Variants in CACNA1C observed in about 807,000 individuals in gnomAD.
CACNA1C encodes voltage-dependent L-type calcium channel subunit alpha-1C.
CACNA1C carries 30 observed loss-of-function variants against 229.0 expected under a neutral mutation model. The observed-to-expected ratio is 0.13, with a 90% confidence interval of 0.10 to 0.18. The LOEUF (loss-of-function observed/expected upper bound fraction) is 0.18. Among genes scored for constraint, CACNA1C ranks in the 10% least tolerant of loss-of-function variants. The pLI is 1.00. For missense variants in CACNA1C, 1,658 were observed against 2,845.0 expected, an observed-to-expected ratio of 0.58 and a Z score of 9.49; for synonymous variants, 1,114 against 1,132.5, an observed-to-expected ratio of 0.98 and a Z score of 0.33.
At chr12:2,682,051 C>CT in intron 42 of CACNA1C, 1 of 1,551,766 alleles carries the variant, frequency 6.4e-7, no homozygotes, top group African/African-American at 1.4e-5. Flanking sequence ...GCAAACCCCT[C>CT]TAGGTGAGGC....
intron 3 of CACNA1C, among the ~76,000 whole-genome samples, chr12:2,373,482 G>A (rs572321974): frequency 4.1e-4 from 63 of 152,250 alleles, no homozygotes; most frequent in Non-Finnish European, 9.0e-4. Context: ...ACTGCCCTGA[G>A]GAGCCTGCCC....
chr12:2,504,607 A>G lies in CACNA1C; in HGVS notation c.1114-235A>G, dbSNP rs376601194. ...CAAGGTCTCAGGTTCCACTCCGTAC[A>G]TGCCCGGGGTCCTCAGGGATGGGAC... On this transcript the variant is annotated intron_variant, in intron 7 of 46. Coordinates refer to ENST00000399655, the MANE Select transcript of CACNA1C (RefSeq NM_000719.7). This position sits in a 1 kb window ranked among gnomAD's most constrained non-coding sequence, Gnocchi z 6.8. 71 of 953,318 alleles carry G rather than the reference A, an allele frequency of 7.4e-5. No homozygotes were observed. In the East Asian group the frequency reaches 1.3e-3, roughly 17 times the overall value. 59.1% of individuals were successfully genotyped at this position (953,318 alleles called of 1,614,324 possible).
At position 1,996,637 on chromosome 12, in the gene CACNA1C, AAAAAAAAAAAAAAAAAAAC is replaced by A. The variant is rs1565869696; in HGVS notation, c.139+25439_139+25457del. Among the ~76,000 whole-genome samples, 21 of 121,290 alleles carry A rather than the reference AAAAAAAAAAAAAAAAAAAC, an allele frequency of 1.7e-4. 1 individual carries two copies. Among genetic ancestry groups the A allele is most frequent in the South Asian group, 2.7e-4 (1 of 3,678 alleles). The allele number at this position is 121,290 out of a possible 152,430, so 79.6% of individuals were successfully genotyped here. On this transcript the variant is annotated intron_variant, in intron 1 of 46. Coordinates refer to the CACNA1C transcript ENST00000682462. The stretch of plus-strand genomic sequence containing the variant: ...GAGCTAAAAAAAAAAAAAAAAAAAA[AAAAAAAAAAAAAAAAAAAC>A]AACAAACTCTTCTAATGTTTTAAAG...
chr12:2,512,216 A>G lies in CACNA1C; in HGVS notation c.1218-596A>G, dbSNP rs1031725941. Among the ~76,000 whole-genome samples, 4 of 152,170 alleles carry G rather than the reference A, an allele frequency of 2.6e-5. No homozygotes were observed. Among genetic ancestry groups the G allele is most frequent in the South Asian group, 2.1e-4 (1 of 4,822 alleles). On this transcript the variant is annotated intron_variant, in intron 8 of 46. Transcript: ENST00000399655. The surrounding 1 kb of genome is among the most constrained non-coding windows in gnomAD (Gnocchi z 4.3). ...TGGTTTTCAGCATTTGCCAGTTACC[A>G]TGGTGTAAATATTCCCACTGTGGCC...
chr12:2,407,127 G>A (rs1029307055), intron 3 of CACNA1C, among the ~76,000 whole-genome samples: 2 of 152,222 alleles, frequency 1.3e-5, no homozygotes, highest in South Asian at 4.1e-4. Flanking sequence ...ACACCGCAGC[G>A]AGGGAGAGGC....
chr12:1,997,381 G>A (rs564376896), intron 1 of CACNA1C, among the ~76,000 whole-genome samples: 109 of 152,198 alleles, frequency 7.2e-4, no homozygotes, highest in Admixed American at 1.1e-3. Context: ...TTAGCTGGGC[G>A]TGGTGGCGCA....
intron 3 of CACNA1C, among the ~76,000 whole-genome samples, chr12:2,324,841 T>C (rs2096216721): frequency 6.6e-6 from 1 of 152,212 alleles, no homozygotes; most frequent in African/African-American, 2.4e-5. Context: ...CTCCATGTGA[T>C]GAACTCTGTC....
intron 3 of CACNA1C, among the ~76,000 whole-genome samples, chr12:2,203,960 A>G (rs4765670): frequency 0.34 from 51,759 of 152,058 alleles, 9,284 homozygotes; most frequent in South Asian, 0.39. Flanking sequence ...GAGGCTCTGC[A>G]GTCTTTTGGA....
chr12:2,336,611 C>A (rs57009736), intron 3 of CACNA1C, among the ~76,000 whole-genome samples: 19,636 of 152,164 alleles, frequency 0.13, 3,440 homozygotes, highest in African/African-American at 0.4. Flanking sequence ...ATGAAAACAA[C>A]CGTTTAAATA....
Position 2,127,019 on chromosome 12 carries a change from G to A in CACNA1C, c.477+6589G>A, listed in dbSNP as rs187548283. 2.7e-3 allele frequency among the ~76,000 whole-genome samples: 404 copies of A among 152,308 alleles called. 3 individuals are homozygous for A. The highest frequency in any genetic ancestry group is 4.1e-3 in the Non-Finnish European group (276 of 68,026). ...GTGACCCAGCAAGATTAGTGTCTGTGTGCTCACCCTTGCCTTCTGACTACA... is the reference window on the plus strand; with the variant it reads ...GTGACCCAGCAAGATTAGTGTCTGTATGCTCACCCTTGCCTTCTGACTACA... On this transcript the variant is annotated intron_variant, in intron 3 of 46. Transcript: ENST00000399655.
intron 3 of CACNA1C, among the ~76,000 whole-genome samples, chr12:2,422,680 G>A (rs1173261080): frequency 2.0e-5 from 3 of 152,210 alleles, no homozygotes; most frequent in African/African-American, 7.2e-5. Context: ...CGTGTGGCCA[G>A]TCCACATACC....
At chr12:2,313,119 G>A (rs913934958) in intron 3 of CACNA1C, among the ~76,000 whole-genome samples, 11 of 152,220 alleles carry the variant, frequency 7.2e-5, no homozygotes, top group African/African-American at 2.2e-4. Flanking sequence ...TCATGTGGGT[G>A]TGGTAAGGCC....
chr12:2,438,397 G>GGTAGTT (rs1567685131), intron 3 of CACNA1C, among the ~76,000 whole-genome samples: 1 of 107,064 alleles, frequency 9.3e-6, no homozygotes, highest in Non-Finnish European at 2.1e-5. Flanking sequence ...TGGTAGTCAT[G>GGTAGTT]GTGGTGGTGG....
chr12:2,515,016 G>A (rs1240691488), intron 9 of CACNA1C, among the ~76,000 whole-genome samples: 3 of 152,206 alleles, frequency 2.0e-5, no homozygotes. Flanking sequence ...GCCTAGATAA[G>A]GATGGCCTTA....
At chr12:2,672,908 T>C (rs1254923230) in intron 38 of CACNA1C, among the ~76,000 whole-genome samples, 1 of 152,206 alleles carries the variant, frequency 6.6e-6, no homozygotes, top group East Asian at 1.9e-4. Flanking sequence ...TGGGGACTGA[T>C]CATCTGTGCA....
chr12:2,674,690 C>A (rs376439823), intron 39 of CACNA1C, 48 bp downstream of exon 39: 1 of 1,497,308 alleles, frequency 6.7e-7, no homozygotes, highest in Non-Finnish European at 9.0e-7. Flanking sequence ...CTGGCCGTGC[C>A]CCCCTCTGCC....
chr12:2,433,898 TTTTAAA>T (rs1353863568), intron 3 of CACNA1C, among the ~76,000 whole-genome samples: 1 of 152,172 alleles, frequency 6.6e-6, no homozygotes, highest in Non-Finnish European at 1.5e-5. Context: ...TACATGGACA[TTTTAAA>T]TAGTTATTTT....
intron 1 of CACNA1C, among the ~76,000 whole-genome samples, chr12:2,097,051 A>G (rs1217461995): frequency 1.3e-5 from 2 of 152,260 alleles, no homozygotes; most frequent in African/African-American, 2.4e-5. Flanking sequence ...GTGTACAAGT[A>G]TCTGTTCAAG....
intron 3 of CACNA1C, among the ~76,000 whole-genome samples, chr12:2,170,207 G>C (rs963527494): frequency 1.3e-5 from 2 of 152,170 alleles, no homozygotes; most frequent in African/African-American, 2.4e-5. Flanking sequence ...ATTAAAGGAC[G>C]CTTTGCATTT....
Sources: gnomAD v4.1 joint callset for allele counts (sites outside exome capture counted in the v4.1 genomes callset) on GRCh38, gnomAD v4.1.1 for gene constraint, Gnocchi (gnomAD v3.1) non-coding constraint, MANE v1.5 for transcripts, NCBI Gene and HGNC (gene_info 2026-07-23, HGNC 2026-07-21) for gene names.